Variants in VWA8 observed in about 807,000 individuals in gnomAD.
VWA8 encodes von Willebrand factor A domain containing 8.
A neutral mutation model predicts 241.5 loss-of-function variants in VWA8; 221 were observed. That is an observed-to-expected ratio of 0.91 (90% CI 0.82 to 1.02). The LOEUF (loss-of-function observed/expected upper bound fraction) is 1.02. Ranked by LOEUF, VWA8 falls within the 50% of genes least tolerant of loss-of-function variation. The pLI is 0.00. For synonymous variants in VWA8, 852 were observed against 827.1 expected (o/e 1.03, Z -0.52); for missense variants, 2,322 against 2,328.7 (o/e 1.00, Z 0.06).
rs565840710 is a variant in VWA8 at position 41,807,131 on chromosome 13, T to C, written c.2063+4094A>G. 9.9e-5 allele frequency among the ~76,000 whole-genome samples: 15 copies of C among 151,814 alleles called. 2 individuals are homozygous for C. In the South Asian group the frequency reaches 3.1e-3, roughly 32 times the overall value. On this transcript the variant is annotated intron_variant, in intron 17 of 44. Coordinates refer to ENST00000379310, the MANE Select transcript of VWA8 (RefSeq NM_015058.2). ...CTTAAACACACACAACCTCTCAAGA[T>C]TGAACTACGAAGAAATAGAAAATGT...
chr13:41,668,546 G>T (rs928872487), intron 37 of VWA8, among the ~76,000 whole-genome samples: 1 of 152,102 alleles, frequency 6.6e-6, no homozygotes, highest in African/African-American at 2.4e-5. Flanking sequence ...CAAACAGAAA[G>T]GGAACTGTAA....
chr13:41,744,818 A>AATTT (rs1555329166), intron 21 of VWA8, among the ~76,000 whole-genome samples: 8 of 151,900 alleles, frequency 5.3e-5, no homozygotes. Context: ...TGACTTGTTT[A>AATTT]ATTTATTTAT....
intron 5 of VWA8, among the ~76,000 whole-genome samples, chr13:41,890,148 A>C (rs577105161): frequency 6.6e-6 from 1 of 152,328 alleles, no homozygotes; most frequent in South Asian, 2.1e-4. Flanking sequence ...AAAGAAACAG[A>C]CTGCTTCTGG....
intron 2 of VWA8, among the ~76,000 whole-genome samples, chr13:41,930,782 ATTT>A (rs1399539376): frequency 6.6e-6 from 1 of 152,206 alleles, no homozygotes; most frequent in Non-Finnish European, 1.5e-5. Context: ...ATATTCAAAA[ATTT>A]TTAAAAATCT....
At chr13:41,904,535 C>T (rs1253620724) in intron 4 of VWA8, among the ~76,000 whole-genome samples, 1 of 151,988 alleles carries the variant, frequency 6.6e-6, no homozygotes, top group East Asian at 1.9e-4. Context: ...TTTTTAAAAC[C>T]TTGTCAATTG....
At chr13:41,900,822 G>A (rs1047991841) in intron 4 of VWA8, among the ~76,000 whole-genome samples, 4 of 152,132 alleles carry the variant, frequency 2.6e-5, no homozygotes, top group Non-Finnish European at 5.9e-5. Context: ...TACTGAGGAA[G>A]CTAAAGAAAA....
chr13:41,579,710 G>A (rs1372409016), intron 42 of VWA8, among the ~76,000 whole-genome samples: 1 of 152,156 alleles, frequency 6.6e-6, no homozygotes, highest in Admixed American at 6.5e-5. Context: ...ATCTCATTTT[G>A]ATTTTCTCTA....
intron 43 of VWA8, among the ~76,000 whole-genome samples, chr13:41,573,572 GTA>G (rs1255957766): frequency 7.9e-6 from 1 of 126,876 alleles, no homozygotes; most frequent in Non-Finnish European, 1.6e-5. Context: ...GTATATATAT[GTA>G]TATATATAAA....
chr13:41,621,568 A>T (rs1372949661), intron 37 of VWA8, among the ~76,000 whole-genome samples: 1 of 152,224 alleles, frequency 6.6e-6, no homozygotes, highest in African/African-American at 2.4e-5. Context: ...AATAAATTTT[A>T]AAAAACCAGA....
chr13:41,932,273 A>G (rs544598380), intron 2 of VWA8, among the ~76,000 whole-genome samples: 9 of 152,144 alleles, frequency 5.9e-5, no homozygotes, highest in Non-Finnish European at 1.3e-4. Flanking sequence ...ACAATTAGGG[A>G]TAACTTGAAT....
At chr13:41,759,652 A>G (rs977806648) in intron 21 of VWA8, among the ~76,000 whole-genome samples, 1 of 151,530 alleles carries the variant, frequency 6.6e-6, no homozygotes, top group Non-Finnish European at 1.5e-5. Flanking sequence ...GTTTGAATCT[A>G]TTTATGGCAA....
At chr13:41,706,073 ATT>A (rs1311750261) in intron 26 of VWA8, among the ~76,000 whole-genome samples, 2 of 152,226 alleles carry the variant, frequency 1.3e-5, no homozygotes, top group Non-Finnish European at 2.9e-5. Context: ...GATCTAATAT[ATT>A]CTTTCATAAA....
At position 41,570,459 on chromosome 13, in the gene VWA8, G is replaced by T; in HGVS notation, c.5609+9C>A. On this transcript the variant is annotated intron_variant, in intron 44 of 44. Transcript: ENST00000379310. ...CCTGCCCTTTTCTGTATGCTCAGATGACACTTACCTGGTTGCTTGATCACC... is the reference window on the plus strand; with the variant it reads ...CCTGCCCTTTTCTGTATGCTCAGATTACACTTACCTGGTTGCTTGATCACC... 1.2e-6 allele frequency: 2 copies of T among 1,610,920 alleles called. No homozygotes were observed. The highest frequency in any genetic ancestry group is 2.2e-5 in the South Asian group (2 of 90,968).
In VWA8 at chr13:41,893,188, G is replaced by C. The variant is rs558361775; in HGVS notation, c.484-1601C>G. Among the ~76,000 whole-genome samples the C allele has an allele frequency of 2.0e-5, 3 of 152,252 alleles. No homozygotes were observed. The East Asian group carries it at 5.8e-4, about 29-fold the overall frequency. ...TAAATTTCTGGAGTAGCAATGTACT[G>C]ATTTTCCAAGTGTAGAAAAGAGGCA... On this transcript the variant is annotated intron_variant, in intron 4 of 44. Coordinates refer to ENST00000379310, the MANE Select transcript of VWA8 (RefSeq NM_015058.2).
intron 26 of VWA8, among the ~76,000 whole-genome samples, chr13:41,717,745 G>A (rs1012667676): frequency 1.2e-4 from 18 of 152,042 alleles, no homozygotes; most frequent in African/African-American, 4.3e-4. Flanking sequence ...GGAAAAAATT[G>A]CTCTGAATGA....
intron 12 of VWA8, among the ~76,000 whole-genome samples, chr13:41,858,605 T>G (rs558726706): frequency 1.1e-3 from 168 of 150,380 alleles, no homozygotes; most frequent in African/African-American, 3.8e-3. Flanking sequence ...GAGTGAGACT[T>G]CATCTCAAAA....
chr13:41,577,013 G>A (rs938454592), intron 42 of VWA8, among the ~76,000 whole-genome samples: 1 of 152,242 alleles, frequency 6.6e-6, no homozygotes, highest in African/African-American at 2.4e-5. Context: ...GCACCTTGGG[G>A]TGCTCACACA....
intron 4 of VWA8, among the ~76,000 whole-genome samples, chr13:41,896,929 C>A (rs1015560602): frequency 2.6e-5 from 4 of 152,050 alleles, no homozygotes; most frequent in Non-Finnish European, 5.9e-5. Context: ...GATAAGTGTA[C>A]AATGATGTGT....
chr13:41,571,131 G>A (rs2044298609), intron 43 of VWA8, among the ~76,000 whole-genome samples: 1 of 152,190 alleles, frequency 6.6e-6, no homozygotes, highest in Non-Finnish European at 1.5e-5. Context: ...ATGGAGGAAA[G>A]TGACTTAAAA....
Sources: allele counts gnomAD v4.1 joint callset (sites outside exome capture counted in the v4.1 genomes callset), GRCh38; gene constraint gnomAD v4.1.1; transcripts MANE v1.5; gene names NCBI Gene and HGNC (gene_info 2026-07-23, HGNC 2026-07-21).